Variants in TMEM123 observed in about 807,000 individuals in gnomAD.
The protein encoded by TMEM123 is transmembrane protein 123.
In TMEM123, 16 loss-of-function variants were observed where a neutral mutation model predicts 19.7. The observed-to-expected ratio is 0.81, with a 90% CI of 0.55 to 1.23. The LOEUF (loss-of-function observed/expected upper bound fraction) is 1.23. Among genes scored for constraint, TMEM123 ranks in the 50% most tolerant of loss-of-function variants. The pLI is 0.00. For missense variants in TMEM123, 313 were observed against 257.8 expected (o/e 1.21, Z -1.47); for synonymous variants, 118 against 99.4 (o/e 1.19, Z -1.12).
rs1358587100 is a variant in TMEM123, at chr11:102,397,087, T to TC, written c.*1779dup. ...TACAACTCAGCCATCAGCCCACCTCTCCTTCAAACTAAACTAATCTAAATG... is the reference window on the plus strand; with the variant it reads ...TACAACTCAGCCATCAGCCCACCTCTCCCTTCAAACTAAACTAATCTAAATG... On this transcript the variant is annotated 3_prime_UTR_variant, in exon 5 of 5. Coordinates refer to ENST00000398136, the MANE Select transcript of TMEM123 (RefSeq NM_052932.3). 6.6e-6 allele frequency: 1 copy of TC among 152,180 alleles called. No homozygotes were observed. The highest frequency in any genetic ancestry group is 1.9e-4 in the East Asian group (1 of 5,204). The allele number at this position is 152,180 out of a possible 1,614,324, so 9.4% of individuals were successfully genotyped here.
intron 2 of TMEM123, chr11:102,448,198 T>C (rs1487259037): frequency 6.6e-6 from 3 of 455,664 alleles, no homozygotes; most frequent in African/African-American, 4.0e-5. Context: ...TTAAGGGCAG[T>C]GAGAAGATAA....
At chr11:102,400,849 C>CA (rs1951906660) in intron 4 of TMEM123, among the ~76,000 whole-genome samples, 1 of 152,146 alleles carries the variant, frequency 6.6e-6, no homozygotes, top group African/African-American at 2.4e-5. Context: ...TTAAGGCACC[C>CA]AGCTGTATGA....
intron 2 of TMEM123, among the ~76,000 whole-genome samples, chr11:102,426,836 T>A (rs960755904): frequency 7.6e-6 from 1 of 130,834 alleles, no homozygotes; most frequent in African/African-American, 2.9e-5. Flanking sequence ...AATAAACTCA[T>A]GGCTTAATGT....
intron 4 of TMEM123, among the ~76,000 whole-genome samples, chr11:102,399,536 C>T (rs1013332102): frequency 1.3e-5 from 2 of 152,152 alleles, no homozygotes; most frequent in African/African-American, 4.8e-5. Context: ...GACAAACCAC[C>T]ACCTTAATAT....
chr11:102,410,234 G>A (rs1591555607), intron 2 of TMEM123, among the ~76,000 whole-genome samples: 1 of 149,158 alleles, frequency 6.7e-6, no homozygotes. Flanking sequence ...TCTTAAGGAC[G>A]ATGAGAACTA....
Position 102,452,732 on chromosome 11 carries a change from G to C in TMEM123, c.-109C>G, listed in dbSNP as rs1379203247. 3 of 845,634 alleles carry C rather than the reference G, an allele frequency of 3.5e-6. No individual in the cohort carries two copies. Among genetic ancestry groups the C allele is most frequent in the Non-Finnish European group, 4.9e-6 (3 of 618,122 alleles). 52.4% of individuals were successfully genotyped at this position (845,634 alleles called of 1,614,324 possible). ...CCGGCTCCGCTTCCCCTTCGGCCGC[G>C]CACGTTTCCCCTCCCGCCGCTTGCC... On this transcript the variant is annotated 5_prime_UTR_variant, in exon 1 of 5. Coordinates refer to ENST00000398136, the MANE Select transcript of TMEM123 (RefSeq NM_052932.3).
At chr11:102,442,020 C>A (rs1268155619) in intron 2 of TMEM123, among the ~76,000 whole-genome samples, 1 of 152,132 alleles carries the variant, frequency 6.6e-6, no homozygotes, top group Non-Finnish European at 1.5e-5. Context: ...GAATCCCTCA[C>A]TAGACCAATA....
Position 102,398,895 on chromosome 11 carries a change from T to C in TMEM123, c.603-4A>G, listed in dbSNP as rs1251810436. 6.2e-7 allele frequency: 1 copy of C among 1,608,474 alleles called. No individual in the cohort carries two copies. Among genetic ancestry groups the C allele is most frequent in the Non-Finnish European group, 8.5e-7 (1 of 1,178,210 alleles). On this transcript the variant is annotated splice_polypyrimidine_tract_variant and splice_region_variant and intron_variant, in intron 4 of 4. Transcript: ENST00000398136. ...AATGATGGCATCATGTTCATCTCTG[T>C]AATATATTAAAAGTTACAATTACTT...
At chr11:102,447,155 GCTTTT>G (rs539135685) in intron 2 of TMEM123, among the ~76,000 whole-genome samples, 58 of 152,284 alleles carry the variant, frequency 3.8e-4, no homozygotes, top group Non-Finnish European at 7.1e-4. Flanking sequence ...TTGAGGCAAT[GCTTTT>G]CTTCTTTCTC....
intron 2 of TMEM123, chr11:102,448,090 A>G (rs1447801114): frequency 1.1e-5 from 4 of 378,038 alleles, no homozygotes; most frequent in Non-Finnish European, 2.1e-5. Context: ...CTAGCTCATT[A>G]GAGTCCATAA....
At chr11:102,431,546 C>T (rs971788350) in intron 2 of TMEM123, among the ~76,000 whole-genome samples, 5 of 152,122 alleles carry the variant, frequency 3.3e-5, no homozygotes, top group Admixed American at 6.5e-5. Flanking sequence ...TCCCCTTTTT[C>T]CCCACCCTGC....
chr11:102,396,649 C>T lies in TMEM123; in HGVS notation c.*2218G>A, dbSNP rs1951858460. The T allele has an allele frequency of 6.6e-6, 1 of 151,674 alleles. No individual in the cohort carries two copies. The highest frequency in any genetic ancestry group is 2.4e-5 in the African/African-American group (1 of 41,252). 9.4% of individuals were successfully genotyped at this position (151,674 alleles called of 1,614,324 possible). A position where few individuals can be genotyped will look rare whatever the true frequency, so the allele number is the denominator to read the frequency against. On this transcript the variant is annotated 3_prime_UTR_variant, in exon 5 of 5. Coordinates refer to ENST00000398136, the MANE Select transcript of TMEM123 (RefSeq NM_052932.3). ...TTTTTTATGCTTAAGAAATATGGTC[C>T]AAAGCAAAATATTTTTTTGCATAAC...
intron 2 of TMEM123, among the ~76,000 whole-genome samples, chr11:102,440,297 G>C (rs528408098): frequency 6.6e-6 from 1 of 152,200 alleles, no homozygotes; most frequent in Non-Finnish European, 1.5e-5. Flanking sequence ...GGCAGCCAGA[G>C]AGAAAGGTTG....
intron 2 of TMEM123, among the ~76,000 whole-genome samples, chr11:102,421,459 C>A (rs1348268194): frequency 6.6e-6 from 1 of 151,060 alleles, no homozygotes. Flanking sequence ...GTGCAGCTGC[C>A]ACATAAGAAT....
chr11:102,409,155 TCA>T (rs1328908113), intron 2 of TMEM123, among the ~76,000 whole-genome samples: 1 of 152,158 alleles, frequency 6.6e-6, no homozygotes, highest in Non-Finnish European at 1.5e-5. Context: ...TTTAAAAATC[TCA>T]GTTATTTTTA....
chr11:102,437,575 G>C (rs1175900427), intron 2 of TMEM123, among the ~76,000 whole-genome samples: 1 of 152,064 alleles, frequency 6.6e-6, no homozygotes, highest in Non-Finnish European at 1.5e-5. Flanking sequence ...ATTTAATTTG[G>C]GTCCTATTTA....
chr11:102,405,506 ATAAG>A (rs1045244900), intron 2 of TMEM123, among the ~76,000 whole-genome samples: 3 of 152,396 alleles, frequency 2.0e-5, no homozygotes, highest in Middle Eastern at 3.4e-3. Context: ...CTATAGAGAT[ATAAG>A]TAATAGAATT....
At chr11:102,446,773 A>G (rs897018737) in intron 2 of TMEM123, among the ~76,000 whole-genome samples, 8 of 152,228 alleles carry the variant, frequency 5.3e-5, no homozygotes, top group African/African-American at 1.9e-4. Flanking sequence ...ATAGACACCC[A>G]ACATTCTAAG....
intron 2 of TMEM123, among the ~76,000 whole-genome samples, chr11:102,420,168 TGA>T (rs1952074704): frequency 6.6e-6 from 1 of 152,220 alleles, no homozygotes; most frequent in African/African-American, 2.4e-5. Context: ...CTCTCTGCCC[TGA>T]GAGGTGACAC....
Sources: gnomAD v4.1 joint callset for allele counts (sites outside exome capture counted in the v4.1 genomes callset) on GRCh38, gnomAD v4.1.1 for gene constraint, MANE v1.5 for transcripts, NCBI Gene and HGNC (gene_info 2026-07-23, HGNC 2026-07-21) for gene names.